Variants in GAS7 observed in about 807,000 individuals in gnomAD.
GAS7 encodes the protein growth arrest specific 7, also known as growth arrest-specific protein 7.
A neutral mutation model predicts 71.1 loss-of-function variants in GAS7; 28 were observed. The observed-to-expected ratio is 0.39, with a 90% CI of 0.29 to 0.54. The LOEUF (loss-of-function observed/expected upper bound fraction) is 0.54, where lower values mean the gene tolerates loss of function less well. Among genes scored for constraint, GAS7 ranks in the 20% least tolerant of loss-of-function variants. The probability of loss-of-function intolerance (pLI) is 0.62; values close to 1 mark genes in which losing one functional copy is unlikely to be tolerated. For missense variants in GAS7, 436 were observed against 627.8 expected (o/e 0.69, Z 3.27); for synonymous variants, 258 against 245.8 (o/e 1.05, Z -0.46).
chr17:9,986,709 C>G (rs960675477), intron 2 of GAS7, among the ~76,000 whole-genome samples: 1 of 152,216 alleles, frequency 6.6e-6, no homozygotes, highest in Non-Finnish European at 1.5e-5. Flanking sequence ...CCAGACCCCC[C>G]ACAAGCTAGA....
At chr17:9,978,608 G>A (rs938240127) in intron 3 of GAS7, among the ~76,000 whole-genome samples, 6 of 152,052 alleles carry the variant, frequency 3.9e-5, no homozygotes, top group African/African-American at 1.2e-4. Context: ...AGCCCTGGAG[G>A]AGGAGGCTGC....
intron 1 of GAS7, among the ~76,000 whole-genome samples, chr17:10,078,512 C>A (rs1259863704): frequency 6.6e-6 from 1 of 152,072 alleles, no homozygotes; most frequent in African/African-American, 2.4e-5. Flanking sequence ...GTTGTTCCAC[C>A]AAAGAAGTAG....
intron 1 of GAS7, among the ~76,000 whole-genome samples, chr17:10,030,375 G>C (rs751321666): frequency 4.6e-5 from 7 of 152,226 alleles, no homozygotes; most frequent in Non-Finnish European, 8.8e-5. Context: ...AGCCTTCAAA[G>C]GGTTCTCAGG....
At chr17:9,932,018 G>A (rs2068225357) in intron 9 of GAS7, among the ~76,000 whole-genome samples, 1 of 152,108 alleles carries the variant, frequency 6.6e-6, no homozygotes, top group Non-Finnish European at 1.5e-5. Context: ...TCCCAGGAAG[G>A]AGCGACCATC....
intron 1 of GAS7, among the ~76,000 whole-genome samples, chr17:10,181,425 G>A (rs967562527): frequency 7.9e-5 from 12 of 151,832 alleles, no homozygotes; most frequent in African/African-American, 2.7e-4. Flanking sequence ...GAAAGAAAAG[G>A]GAGTAAGGGT....
chr17:10,190,103 G>C (rs1026936340), intron 1 of GAS7, among the ~76,000 whole-genome samples: 5 of 152,216 alleles, frequency 3.3e-5, no homozygotes, highest in African/African-American at 1.2e-4. Context: ...CACTACAGCA[G>C]CAGAGTGGAT....
chr17:10,166,004 T>C (rs2074291231), intron 1 of GAS7, among the ~76,000 whole-genome samples: 1 of 126,902 alleles, frequency 7.9e-6, no homozygotes, highest in Non-Finnish European at 1.7e-5. Flanking sequence ...GCTTTCTTTT[T>C]CTTTTTCTTT....
chr17:10,080,639 T>C (rs1191695176), intron 1 of GAS7, among the ~76,000 whole-genome samples: 3 of 152,194 alleles, frequency 2.0e-5, no homozygotes, highest in African/African-American at 7.2e-5. Context: ...ATACAACTTG[T>C]TTCTAGATAG....
rs778591317 is a variant in GAS7 at position 9,919,628 on chromosome 17, A to G, written c.1216T>C (p.Leu406=). ...TCCACACATCCCTGCCCGCTTACCA[A>G]TGTGGTGGTCACCATCTCTTCAAAC... ...KWFEEMVTTT[L]ELERLEVERV... The change falls in exon 12 of 14, where the codon TTG becomes CTG. Residue 406 remains leucine, a splice_region_variant and synonymous_variant. Coordinates refer to ENST00000432992, the MANE Select transcript of GAS7 (RefSeq NM_201433.2). The surrounding 1 kb of genome is among the most constrained non-coding windows in gnomAD (Gnocchi z 5.0). The G allele has an allele frequency of 1.5e-5, 24 of 1,608,874 alleles. No individual in the cohort carries two copies. Among genetic ancestry groups the G allele is most frequent in the Admixed American group, 1.0e-4 (6 of 60,002 alleles).
At chr17:10,082,082 G>A (rs1445387448) in intron 1 of GAS7, among the ~76,000 whole-genome samples, 1 of 151,552 alleles carries the variant, frequency 6.6e-6, no homozygotes, top group East Asian at 1.9e-4. Context: ...GCACCAACAC[G>A]AAAAAAACTC....
intron 1 of GAS7, among the ~76,000 whole-genome samples, chr17:10,054,026 C>T (rs1371834008): frequency 6.6e-6 from 1 of 152,170 alleles, no homozygotes; most frequent in African/African-American, 2.4e-5. Context: ...CTGTTGCACA[C>T]GTAGGCACTC....
Position 10,198,423 on chromosome 17 carries a change from C to CGG in GAS7, c.-34_-33insCC. The CGG allele has an allele frequency of 6.8e-7, 1 of 1,472,588 alleles. No homozygotes were observed. Among genetic ancestry groups the CGG allele is most frequent in the African/African-American group, 1.5e-5 (1 of 68,388 alleles). The allele number at this position is 1,472,588 out of a possible 1,614,324, so 91.2% of individuals were successfully genotyped here. The stretch of plus-strand genomic sequence containing the variant: ...GCGCCCGGGTTCACAGCGCAGCCTG[C>CGG]ATTCCCGCCGAGCCCCACGGGCTGG... On this transcript the variant is annotated 5_prime_UTR_variant, in exon 1 of 14. The change abolishes an upstream ATG in the 5' untranslated region. Transcript: ENST00000432992.
chr17:10,127,429 C>T (rs925296587), intron 1 of GAS7, among the ~76,000 whole-genome samples: 2 of 152,056 alleles, frequency 1.3e-5, no homozygotes, highest in Admixed American at 6.6e-5. Flanking sequence ...TATTGCACAC[C>T]GAGTCCACGG....
intron 1 of GAS7, among the ~76,000 whole-genome samples, chr17:10,118,621 T>C (rs1388202298): frequency 6.7e-6 from 1 of 149,280 alleles, no homozygotes; most frequent in Non-Finnish European, 1.5e-5. Context: ...GGAGAATCAT[T>C]TGAACCCAGG....
intron 1 of GAS7, among the ~76,000 whole-genome samples, chr17:10,058,151 C>T (rs993105138): frequency 1.3e-5 from 2 of 152,186 alleles, no homozygotes; most frequent in African/African-American, 4.8e-5. Flanking sequence ...ACCAGAGACC[C>T]TTGTTCACTT....
chr17:10,115,469 C>G (rs956628753), intron 1 of GAS7, among the ~76,000 whole-genome samples: 2 of 152,224 alleles, frequency 1.3e-5, no homozygotes, highest in African/African-American at 4.8e-5. Flanking sequence ...GAGAAGACAG[C>G]AGAAAGAAGT....
Position 9,981,523 on chromosome 17 carries a change from C to T in GAS7, c.385+281G>A, listed in dbSNP as rs990483383. Among the ~76,000 whole-genome samples the T allele has an allele frequency of 1.3e-5, 2 of 152,136 alleles. No homozygotes were observed. Among genetic ancestry groups the T allele is most frequent in the Admixed American group, 1.3e-4 (2 of 15,276 alleles). On this transcript the variant is annotated intron_variant, in intron 3 of 13. Coordinates refer to ENST00000432992, the MANE Select transcript of GAS7 (RefSeq NM_201433.2). The surrounding 1 kb of genome is among the most constrained non-coding windows in gnomAD (Gnocchi z 4.4). ...ACACTTCAGGTCTTCCTGCCCCTGA[C>T]AGACAGGAAAGAGCTCTGACACCTC...
At chr17:10,005,083 G>A (rs905676786) in intron 2 of GAS7, among the ~76,000 whole-genome samples, 6 of 131,850 alleles carry the variant, frequency 4.6e-5, no homozygotes, top group South Asian at 4.9e-4. Context: ...GCATACATGC[G>A]TGTGTGCACG....
chr17:10,007,279 C>T (rs1392255183), intron 2 of GAS7, among the ~76,000 whole-genome samples: 1 of 151,836 alleles, frequency 6.6e-6, no homozygotes, highest in Non-Finnish European at 1.5e-5. Context: ...TTTCTGACAC[C>T]CACCAAAGTT....
Sources: allele counts gnomAD v4.1 joint callset (sites outside exome capture counted in the v4.1 genomes callset), GRCh38; gene constraint gnomAD v4.1.1; non-coding constraint Gnocchi (gnomAD v3.1); transcripts MANE v1.5; gene names NCBI Gene and HGNC (gene_info 2026-07-23, HGNC 2026-07-21).